PATJ: variants seen among roughly 807,000 people sequenced by gnomAD.
PATJ encodes inaD-like protein.
In PATJ, 190 loss-of-function variants were observed where a neutral mutation model predicts 224.9. The ratio of observed to expected loss-of-function variants is 0.84; its 90% confidence interval spans 0.75 to 0.95. The LOEUF (loss-of-function observed/expected upper bound fraction) is 0.95, where lower values mean the gene tolerates loss of function less well. Among genes scored for constraint, PATJ ranks in the 40% least tolerant of loss-of-function variants. The probability of loss-of-function intolerance (pLI) is 0.00; values close to 1 mark genes in which losing one functional copy is unlikely to be tolerated. For synonymous variants in PATJ, 769 were observed against 820.3 expected (o/e 0.94, Z 1.07); for missense variants, 2,121 against 2,270.3 (o/e 0.93, Z 1.34).
chr1:61,802,033 C>G (rs1259813554), intron 12 of PATJ, among the ~76,000 whole-genome samples: 1 of 151,344 alleles, frequency 6.6e-6, no homozygotes, highest in South Asian at 2.1e-4. Context: ...GTGTGCTGCA[C>G]CCATTAACTC....
chr1:61,759,566 C>A (rs1310286253), intron 1 of PATJ, among the ~76,000 whole-genome samples: 1 of 152,130 alleles, frequency 6.6e-6, no homozygotes, highest in Non-Finnish European at 1.5e-5. Flanking sequence ...TCTGCCACCA[C>A]GCCCAGCAAA....
chr1:61,784,650 A>G (rs531144997), intron 7 of PATJ, among the ~76,000 whole-genome samples: 73 of 152,328 alleles, frequency 4.8e-4, no homozygotes, highest in Admixed American at 1.6e-3. Context: ...AACACTTATT[A>G]GACATATATA....
At chr1:61,785,804 A>G (rs1648381604) in intron 7 of PATJ, among the ~76,000 whole-genome samples, 1 of 152,194 alleles carries the variant, frequency 6.6e-6, no homozygotes, top group Admixed American at 6.5e-5. Context: ...TGTATGAAAT[A>G]TACATACATA....
At chr1:61,882,674 C>G (rs1361089086) in intron 21 of PATJ, among the ~76,000 whole-genome samples, 1 of 152,118 alleles carries the variant, frequency 6.6e-6, no homozygotes, top group Non-Finnish European at 1.5e-5. Flanking sequence ...TGTGATCATC[C>G]TCACCGACTC....
At chr1:61,856,288 T>A in intron 18 of PATJ, 49 bp downstream of exon 18, 2 of 1,459,570 alleles carry the variant, frequency 1.4e-6, no homozygotes, top group Non-Finnish European at 1.9e-6. Context: ...GTGCAACAGT[T>A]AAAAACATGG....
intron 30 of PATJ, among the ~76,000 whole-genome samples, chr1:62,047,469 C>T (rs1404236430): frequency 6.6e-6 from 1 of 151,834 alleles, no homozygotes; most frequent in African/African-American, 2.4e-5. Flanking sequence ...ATCTTGCCCA[C>T]TTGAACTCCT....
intron 27 of PATJ, among the ~76,000 whole-genome samples, chr1:61,959,425 A>ATTTTTTTCTTTTTTTTTTTT (rs1557944867): frequency 1.6e-5 from 1 of 61,150 alleles, no homozygotes. Context: ...TATATAATAT[A>ATTTTTTTCTTTTTTTTTTTT]TTTTTTTTCT....
chr1:61,900,013 A>T (rs1018667498), intron 23 of PATJ, among the ~76,000 whole-genome samples: 4 of 152,186 alleles, frequency 2.6e-5, no homozygotes, highest in Non-Finnish European at 5.9e-5. Context: ...AGTTTCTAGT[A>T]TATATCAGTT....
At chr1:61,840,524 G>A (rs945290249) in intron 17 of PATJ, among the ~76,000 whole-genome samples, 2 of 151,474 alleles carry the variant, frequency 1.3e-5, no homozygotes, top group African/African-American at 2.4e-5. Context: ...ACATATAAAT[G>A]GATTATATCA....
chr1:62,096,634 A>T (rs1037444210), intron 33 of PATJ, among the ~76,000 whole-genome samples: 1 of 152,146 alleles, frequency 6.6e-6, no homozygotes, highest in African/African-American at 2.4e-5. Context: ...CCTTAGAGTC[A>T]TGAATTTTGA....
chr1:62,099,347 CTTTTTTTTT>C lies in PATJ; in HGVS notation c.4378-9068_4378-9060del, dbSNP rs71050197. 1.9e-3 allele frequency among the ~76,000 whole-genome samples: 104 copies of C among 55,676 alleles called. 2 individuals carry two copies. In the South Asian group the frequency reaches 0.027, roughly 14 times the overall value. 36.5% of individuals were successfully genotyped at this position (55,676 alleles called of 152,430 possible). On this transcript the variant is annotated intron_variant, in intron 33 of 43. Coordinates refer to ENST00000642238, the MANE Select transcript of PATJ (RefSeq NM_001350145.3). The stretch of plus-strand genomic sequence containing the variant: ...ATTTTTTTGTATACAATATCTCCAA[CTTTTTTTTT>C]TTTTTTTTTTTTTTTTTTTTTGGTC...
At chr1:61,795,425 T>A (rs1323505780) in intron 9 of PATJ, 42 bp from the exon 10 acceptor site, 1 of 1,262,178 alleles carries the variant, frequency 7.9e-7, no homozygotes, top group Admixed American at 2.1e-5. Context: ...CAAGGCCTAA[T>A]TAGAATTTTC....
Position 61,771,564 on chromosome 1 carries a change from G to A in PATJ, c.658G>A (p.Glu220Lys), listed in dbSNP as rs1216944321. 6.2e-7 allele frequency: 1 copy of A among 1,612,302 alleles called. No homozygotes were observed. The highest frequency in any genetic ancestry group is 8.5e-7 in the Non-Finnish European group (1 of 1,179,486). The part of the protein sequence containing the change: ...TGSLRLIVAR[E>K]PVHTKSSTSS... ...ATCTTTGAGACTGATTGTGGCCAGG[G>A]AACCAGTCCACACAAAAAGCAGTAC... The change falls in exon 6 of 44, where the codon GAA becomes AAA. Residue 220 changes from glutamate (E) to lysine (K), a missense_variant. Coordinates refer to ENST00000642238, the MANE Select transcript of PATJ (RefSeq NM_001350145.3).
chr1:61,861,284 CTTTTTTTTTT>C, intron 18 of PATJ, among the ~76,000 whole-genome samples: 2 of 48,848 alleles, frequency 4.1e-5, no homozygotes, highest in Admixed American at 3.2e-4. Flanking sequence ...TTCTTTCTTT[CTTTTTTTTTT>C]TTTTTTTTTT....
At chr1:62,122,141 G>C (rs1294917524) in intron 38 of PATJ, among the ~76,000 whole-genome samples, 1 of 151,904 alleles carries the variant, frequency 6.6e-6, no homozygotes, top group Non-Finnish European at 1.5e-5. Context: ...AAGGCAGGCG[G>C]ATCACCTGAG....
At chr1:61,755,206 G>A (rs1570273364) in intron 1 of PATJ, among the ~76,000 whole-genome samples, 1 of 151,224 alleles carries the variant, frequency 6.6e-6, no homozygotes, top group Admixed American at 6.6e-5. Flanking sequence ...CTACTCGGGA[G>A]GCTGAGGCAG....
chr1:61,817,822 A>C (rs1416097274), intron 14 of PATJ, among the ~76,000 whole-genome samples: 1 of 152,124 alleles, frequency 6.6e-6, no homozygotes, highest in Non-Finnish European at 1.5e-5. Context: ...TTGTAGCCTC[A>C]TTCTTGAAAA....
At chr1:61,793,458 G>A (rs1330897088) in intron 9 of PATJ, among the ~76,000 whole-genome samples, 2 of 152,098 alleles carry the variant, frequency 1.3e-5, no homozygotes, top group Non-Finnish European at 2.9e-5. Context: ...TGCGTGCTGC[G>A]GACTGGGCTT....
At chr1:62,083,426 G>A (rs1482118851) in intron 32 of PATJ, among the ~76,000 whole-genome samples, 7 of 152,168 alleles carry the variant, frequency 4.6e-5, no homozygotes, top group African/African-American at 7.2e-5. Context: ...CACCGTGCCC[G>A]GCTGAATGTT....
Sources: allele counts gnomAD v4.1 joint callset (sites outside exome capture counted in the v4.1 genomes callset), GRCh38; gene constraint gnomAD v4.1.1; transcripts MANE v1.5; gene names NCBI Gene and HGNC (gene_info 2026-07-23, HGNC 2026-07-21).